SYT14: variants seen among roughly 807,000 people sequenced by gnomAD.
SYT14 encodes the protein synaptotagmin 14, also known as synaptotagmin-14.
SYT14 carries 32 observed loss-of-function variants against 74.2 expected under a neutral mutation model. The ratio of observed to expected loss-of-function variants is 0.43; its 90% confidence interval spans 0.33 to 0.58. The LOEUF (loss-of-function observed/expected upper bound fraction) is 0.58. SYT14 is among the 20% of genes least tolerant of loss of function. SYT14 has a pLI of 0.05. For missense variants in SYT14, 791 were observed against 981.8 expected (o/e 0.81, Z 2.60); for synonymous variants, 298 against 337.7 (o/e 0.88, Z 1.29).
intron 9 of SYT14, 94 bp downstream of exon 8, chr1:210,159,571 G>A (rs554675453): frequency 5.8e-4 from 650 of 1,111,728 alleles, no homozygotes; most frequent in East Asian, 3.0e-3. Context: ...CACCATGTTG[G>A]TTTCCAAAAC....
At chr1:210,078,650 A>T (rs188115390) in intron 5 of SYT14, among the ~76,000 whole-genome samples, 16 of 152,318 alleles carry the variant, frequency 1.1e-4, no homozygotes, top group Admixed American at 9.8e-4. Context: ...AGGACAAAAA[A>T]GTCATGAAAA....
chr1:210,133,511 G>T (rs1210395944), intron 7 of SYT14, among the ~76,000 whole-genome samples: 6 of 152,310 alleles, frequency 3.9e-5, no homozygotes, highest in African/African-American at 1.4e-4. Context: ...GCTTAAATCT[G>T]ATTGAGTAGC....
At chr1:209,973,734 G>T (rs1269639928) in intron 2 of SYT14, among the ~76,000 whole-genome samples, 1 of 152,136 alleles carries the variant, frequency 6.6e-6, no homozygotes, top group African/African-American at 2.4e-5. Flanking sequence ...CCAGTAATGG[G>T]ATGGCTGGGT....
chr1:210,127,985 G>A (rs943022136), intron 7 of SYT14, among the ~76,000 whole-genome samples: 6 of 151,986 alleles, frequency 3.9e-5, no homozygotes, highest in East Asian at 3.9e-4. Flanking sequence ...GCCCAATATC[G>A]CGCCATTGCA....
At chr1:209,982,101 A>G (rs1019108874) in intron 2 of SYT14, among the ~76,000 whole-genome samples, 1 of 152,078 alleles carries the variant, frequency 6.6e-6, no homozygotes, top group African/African-American at 2.4e-5. Flanking sequence ...CCAGTAATTC[A>G]TAGGTTTGGT....
chr1:210,137,298 C>A (rs1472775431), intron 7 of SYT14, among the ~76,000 whole-genome samples: 1 of 152,186 alleles, frequency 6.6e-6, no homozygotes, highest in African/African-American at 2.4e-5. Context: ...AGTTACCATA[C>A]CCCCACCAAA....
At chr1:210,063,950 C>T (rs962046224) in intron 5 of SYT14, among the ~76,000 whole-genome samples, 9 of 151,748 alleles carry the variant, frequency 5.9e-5, no homozygotes, top group Admixed American at 3.9e-4. Context: ...ACCCTCTTTC[C>T]GTTTCTTATA....
At chr1:210,119,699 A>G (rs181433734) in intron 7 of SYT14, among the ~76,000 whole-genome samples, 3 of 152,330 alleles carry the variant, frequency 2.0e-5, no homozygotes, top group Admixed American at 2.0e-4. Context: ...GAAAATGAAC[A>G]TGCTCCTGCA....
chr1:209,962,163 TCA>T (rs2079084836), intron 2 of SYT14, among the ~76,000 whole-genome samples: 1 of 152,110 alleles, frequency 6.6e-6, no homozygotes, highest in African/African-American at 2.4e-5. Context: ...GCTCTTTTTC[TCA>T]GTGTATAATT....
intron 7 of SYT14, among the ~76,000 whole-genome samples, chr1:210,153,195 A>G (rs2083202369): frequency 6.6e-6 from 1 of 152,134 alleles, no homozygotes; most frequent in African/African-American, 2.4e-5. Context: ...ATCACTCCAC[A>G]TTTCTACAAG....
At position 210,040,425 on chromosome 1, in the gene SYT14, G is replaced by T. The variant is rs896361510; in HGVS notation, c.1312+19171G>T. Among the ~76,000 whole-genome samples the T allele has an allele frequency of 5.3e-5, 8 of 152,058 alleles. No individual in the cohort carries two copies. The East Asian group carries it at 1.5e-3, about 29-fold the overall frequency. ...GGAGAAATACCTAATGTAGAAGACG[G>T]GTTGATGGATGCAGCACACCACCAT... On this transcript the variant is annotated intron_variant, in intron 5 of 9. Coordinates refer to ENST00000637265, the Ensembl canonical transcript of SYT14.
intron 7 of SYT14, among the ~76,000 whole-genome samples, chr1:210,112,049 T>A (rs578099829): frequency 6.6e-6 from 1 of 151,258 alleles, no homozygotes; most frequent in Non-Finnish European, 1.5e-5. Flanking sequence ...CGGTCCGTTA[T>A]CAGACTGTAC....
At chr1:210,093,330 C>T (rs1358374747) in intron 5 of SYT14, among the ~76,000 whole-genome samples, 3 of 151,630 alleles carry the variant, frequency 2.0e-5, no homozygotes, top group African/African-American at 7.3e-5. Context: ...TTCAGGGTCC[C>T]TTTTGAGAAA....
rs1299123599 is a variant in SYT14, at chr1:210,101,366, G to C, written c.2034+905G>C. Among the ~76,000 whole-genome samples, 9 of 152,122 alleles carry C rather than the reference G, an allele frequency of 5.9e-5. No individual in the cohort carries two copies. The East Asian group carries it at 1.7e-3, about 29-fold the overall frequency. On this transcript the variant is annotated intron_variant, in intron 7 of 9. Coordinates refer to ENST00000637265, the Ensembl canonical transcript of SYT14. The stretch of plus-strand genomic sequence containing the variant: ...AATAAAGGTATACTATTTTAGTGTT[G>C]TTTTGAGCTTTTAAATGTGTAAGCT...
At chr1:210,137,959 G>A (rs1004006655) in intron 7 of SYT14, among the ~76,000 whole-genome samples, 15 of 152,074 alleles carry the variant, frequency 9.9e-5, no homozygotes, top group African/African-American at 3.6e-4. Context: ...GATTACAGGC[G>A]TGAGCCACTG....
At chr1:210,141,836 A>T (rs2082921203) in intron 7 of SYT14, among the ~76,000 whole-genome samples, 1 of 152,184 alleles carries the variant, frequency 6.6e-6, no homozygotes, top group Non-Finnish European at 1.5e-5. Flanking sequence ...GGACCTTCTC[A>T]AGTTTTTTCT....
At chr1:210,053,735 A>G (rs2081045319) in intron 5 of SYT14, among the ~76,000 whole-genome samples, 3 of 152,220 alleles carry the variant, frequency 2.0e-5, no homozygotes, top group Non-Finnish European at 2.9e-5. Context: ...ATTGAAATCT[A>G]GAGCCGTTAA....
intron 2 of SYT14, among the ~76,000 whole-genome samples, chr1:209,984,719 A>T (rs962594784): frequency 1.3e-5 from 2 of 152,164 alleles, no homozygotes; most frequent in African/African-American, 4.8e-5. Context: ...TATAGAAAAG[A>T]GGTTAATTGG....
At chr1:210,026,012 C>G (rs1166579752) in intron 5 of SYT14, among the ~76,000 whole-genome samples, 1 of 152,090 alleles carries the variant, frequency 6.6e-6, no homozygotes, top group East Asian at 1.9e-4. Flanking sequence ...CTGAAATACA[C>G]ATATTCTAGA....
Sources: allele counts gnomAD v4.1 joint callset (sites outside exome capture counted in the v4.1 genomes callset), GRCh38; gene constraint gnomAD v4.1.1; transcripts MANE v1.5; gene names NCBI Gene and HGNC (gene_info 2026-07-23, HGNC 2026-07-21).